FSD1: variants seen among roughly 807,000 people sequenced by gnomAD.
The protein encoded by FSD1 is fibronectin type III and SPRY domain containing 1, also known as fibronectin type III and SPRY domain-containing protein 1.
A neutral mutation model predicts 58.2 loss-of-function variants in FSD1; 23 were observed. That is an observed-to-expected ratio of 0.40 (90% CI 0.28 to 0.56). The LOEUF is 0.56. Ranked by LOEUF, FSD1 falls within the 20% of genes least tolerant of loss-of-function variation. FSD1 has a pLI of 0.54. For synonymous variants in FSD1, 265 were observed against 263.4 expected (o/e 1.01, Z -0.06); for missense variants, 563 against 670.8 (o/e 0.84, Z 1.78).
At chr19:4,306,847 C>G (rs1971628265) in intron 3 of FSD1, among the ~76,000 whole-genome samples, 1 of 152,114 alleles carries the variant, frequency 6.6e-6, no homozygotes, top group Non-Finnish European at 1.5e-5. Context: ...CCTCCGGTTT[C>G]TCAGCCCTTC....
At chr19:4,312,965 G>A (rs1177512373) in intron 7 of FSD1, among the ~76,000 whole-genome samples, 2 of 151,870 alleles carry the variant, frequency 1.3e-5, no homozygotes, top group East Asian at 3.9e-4. Context: ...TCGGAGCAGG[G>A]AACAAAGCAG....
intron 4 of FSD1, among the ~76,000 whole-genome samples, chr19:4,309,711 A>C (rs1274285072): frequency 1.3e-5 from 2 of 151,366 alleles, no homozygotes; most frequent in Admixed American, 6.6e-5. Context: ...AGATCAAGAC[A>C]AGCCTGGCTA....
intron 7 of FSD1, among the ~76,000 whole-genome samples, chr19:4,314,133 G>C (rs757457909): frequency 1.3e-5 from 2 of 152,106 alleles, no homozygotes; most frequent in Non-Finnish European, 2.9e-5. Context: ...AGCTGCTTTT[G>C]GGCTGTAATC....
At chr19:4,321,549 TG>T (rs1422099068) in intron 10 of FSD1, among the ~76,000 whole-genome samples, 1 of 151,460 alleles carries the variant, frequency 6.6e-6, no homozygotes, top group African/African-American at 2.4e-5. Flanking sequence ...GAGAAGTATC[TG>T]GGGGAAATAG....
At position 4,314,512 on chromosome 19, in the gene FSD1, A is replaced by G. The variant is rs1424874279; in HGVS notation, c.700+2461A>G. On this transcript the variant is annotated intron_variant, in intron 7 of 12. Transcript: ENST00000221856. ...CCTTTTTTTTTTTTTTTTGAGATGG[A>G]GTCTCGCTTTGTCGCCCAGGCTGGA... Among the ~76,000 whole-genome samples, 32 of 139,280 alleles carry G rather than the reference A, an allele frequency of 2.3e-4. No homozygotes were observed. The East Asian group carries it at 2.7e-3, about 12-fold the overall frequency. The allele number at this position is 139,280 out of a possible 152,430, so 91.4% of individuals were successfully genotyped here. A position where few individuals can be genotyped will look rare whatever the true frequency, so the allele number is the denominator to read the frequency against.
chr19:4,316,046 C>T (rs569757337), intron 7 of FSD1, among the ~76,000 whole-genome samples: 5 of 150,674 alleles, frequency 3.3e-5, no homozygotes, highest in Non-Finnish European at 5.9e-5. Context: ...GGATTACAGG[C>T]GTGAGCCACC....
chr19:4,318,741 G>A (rs1252152807), intron 9 of FSD1, 131 bp from the exon 10 acceptor site: 2 of 811,582 alleles, frequency 2.5e-6, no homozygotes, highest in Non-Finnish European at 4.2e-6. Context: ...TCGATATATA[G>A]ATAGAGCCAA....
chr19:4,320,000 A>G (rs992373156), intron 10 of FSD1, among the ~76,000 whole-genome samples: 1 of 152,026 alleles, frequency 6.6e-6, no homozygotes, highest in African/African-American at 2.4e-5. Flanking sequence ...GAGGATCTCA[A>G]CTCTGGAGAG....
intron 7 of FSD1, among the ~76,000 whole-genome samples, chr19:4,312,704 C>T (rs1599536836): frequency 6.6e-6 from 1 of 151,842 alleles, no homozygotes; most frequent in Admixed American, 6.6e-5. Context: ...GCTCAGGAGG[C>T]TGAGGCAGGA....
Position 4,323,388 on chromosome 19 carries a change from G to A in FSD1, c.1332G>A (p.Leu444=), listed in dbSNP as rs1971727335. 6.2e-7 allele frequency: 1 copy of A among 1,613,848 alleles called. No individual in the cohort carries two copies. The highest frequency in any genetic ancestry group is 2.2e-5 in the East Asian group (1 of 44,866). ...SFYNARTKQV[L]HTFKTRFTQP... Reference sequence around the variant, plus strand: ...ACAATGCCCGCACCAAACAAGTGCTGCACACTTTCAAGACCAGGTTCACAC... The same window carrying A: ...ACAATGCCCGCACCAAACAAGTGCTACACACTTTCAAGACCAGGTTCACAC... Residue 444 remains leucine, a synonymous_variant, in exon 12 of 13, where the codon CTG becomes CTA. Transcript: ENST00000221856. The surrounding 1 kb of genome is among the most constrained non-coding windows in gnomAD (Gnocchi z 7.7).
Position 4,310,311 on chromosome 19 carries a change from C to G in FSD1, c.368+16C>G, listed in dbSNP as rs1374108677. ...TCAAAGATGGGTAAGACACTGGGGT[C>G]TGGCCCCCACCCCACTACCCTGCCC... On this transcript the variant is annotated intron_variant, in intron 5 of 12. Coordinates refer to ENST00000221856, the MANE Select transcript of FSD1 (RefSeq NM_024333.3). 6.2e-7 allele frequency: 1 copy of G among 1,613,872 alleles called. No individual in the cohort carries two copies. Among genetic ancestry groups the G allele is most frequent in the Non-Finnish European group, 8.5e-7 (1 of 1,179,694 alleles).
chr19:4,311,669 A>G (rs1368208572), intron 6 of FSD1, 173 bp from the exon 7 acceptor site: 1 of 596,048 alleles, frequency 1.7e-6, no homozygotes, highest in Non-Finnish European at 3.0e-6. Context: ...GGGTGACAAG[A>G]GCAAGACTCT....
chr19:4,319,079 C>A (rs911977474), intron 10 of FSD1, 128 bp downstream of exon 10: 6 of 726,504 alleles, frequency 8.3e-6, no homozygotes, highest in East Asian at 2.7e-5. Context: ...CCCGGAATAA[C>A]AGGTTGTTCT....
At chr19:4,319,469 G>A (rs930898212) in intron 10 of FSD1, among the ~76,000 whole-genome samples, 6 of 152,144 alleles carry the variant, frequency 3.9e-5, no homozygotes, top group African/African-American at 1.4e-4. Context: ...GGATGGGCAA[G>A]GGAGGAACTG....
chr19:4,305,847 C>T (rs1156466716), intron 1 of FSD1, 99 bp from the exon 2 acceptor site: 2 of 838,234 alleles, frequency 2.4e-6, no homozygotes, highest in Non-Finnish European at 2.0e-6. Flanking sequence ...TACGTGTGTG[C>T]ATGTGTGTGC....
In FSD1 at chr19:4,317,224, C is replaced by T. The variant is rs1971764593; in HGVS notation, c.743C>T (p.Ala248Val). ...AAATACATGAACTTCCGTGTGAAGG[C>T]CTGTAACAAGGCAGTTGCAGGAGAG... is the stretch of plus-strand genomic sequence containing the variant. ...DMKYMNFRVKACNKAVAGEFS... is the reference protein window; with the variant it reads ...DMKYMNFRVKVCNKAVAGEFS... Residue 248 changes from alanine (A) to valine (V), a missense_variant, in exon 8 of 13, where the codon GCC becomes GTC. Physicochemically the swap from Ala to Val is moderately conservative, Grantham distance 64. Transcript: ENST00000221856. 2.5e-6 allele frequency: 4 copies of T among 1,613,104 alleles called. No individual in the cohort carries two copies. The East Asian group carries it at 8.9e-5, about 36-fold the overall frequency.
chr19:4,316,802 G>T (rs1280603282), intron 7 of FSD1, among the ~76,000 whole-genome samples: 1 of 151,916 alleles, frequency 6.6e-6, no homozygotes, highest in Non-Finnish European at 1.5e-5. Context: ...CCAGGCTGGA[G>T]TGCAATGGCA....
chr19:4,323,502 G>GGGGGGCC lies in FSD1; in HGVS notation c.1381-31_1381-30insGGGGGCC. On this transcript the variant is annotated intron_variant, in intron 12 of 12. Transcript: ENST00000221856. This position sits in a 1 kb window ranked among gnomAD's most constrained non-coding sequence, Gnocchi z 7.7. Reference sequence around the variant, plus strand: ...GCTGGGCGCTGGGGTTTGAAGCTGAGCCCCTCCCCCCTCCCCCCGCTGTCC... The same window carrying GGGGGGCC: ...GCTGGGCGCTGGGGTTTGAAGCTGAGGGGGGCCCCCCTCCCCCCTCCCCCCGCTGTCC... The GGGGGGCC allele has an allele frequency of 1.3e-6, 2 of 1,573,902 alleles. No individual in the cohort carries two copies. Among genetic ancestry groups the GGGGGGCC allele is most frequent in the Non-Finnish European group, 8.7e-7 (1 of 1,145,240 alleles).
intron 10 of FSD1, among the ~76,000 whole-genome samples, chr19:4,320,447 G>T (rs1180071074): frequency 6.6e-6 from 1 of 152,134 alleles, no homozygotes; most frequent in Non-Finnish European, 1.5e-5. Context: ...AAGGGTTTGA[G>T]GATGATCTAG....
Sources: allele counts gnomAD v4.1 joint callset (sites outside exome capture counted in the v4.1 genomes callset), GRCh38; gene constraint gnomAD v4.1.1; non-coding constraint Gnocchi (gnomAD v3.1); transcripts MANE v1.5; gene names NCBI Gene and HGNC (gene_info 2026-07-23, HGNC 2026-07-21).